The following C7orf78 variants were observed in gnomAD, a reference collection of about 807,000 sequenced individuals.
The protein encoded by C7orf78 is chromosome 7 open reading frame 78.
chr7:12,495,441 T>C, the C7orf78 span, among the ~76,000 whole-genome samples: 1 of 152,332 alleles, frequency 6.6e-6, no homozygotes, highest in East Asian at 1.9e-4. Context: ...ATGTAATTAA[T>C]ATGGCTTTAT....
the C7orf78 span, among the ~76,000 whole-genome samples, chr7:12,508,641 G>A: frequency 6.6e-6 from 1 of 152,160 alleles, no homozygotes; most frequent in East Asian, 1.9e-4. Flanking sequence ...TTAAGGGTAC[G>A]TTAACTAAAG....
At chr7:12,540,016 A>G in the C7orf78 span, among the ~76,000 whole-genome samples, 2 of 152,320 alleles carry the variant, frequency 1.3e-5, no homozygotes, top group South Asian at 4.1e-4. Flanking sequence ...AGAAAGGTCA[A>G]TTTCTATGTG....
the C7orf78 span, among the ~76,000 whole-genome samples, chr7:12,533,299 C>A: frequency 3.2e-4 from 49 of 152,116 alleles, no homozygotes; most frequent in African/African-American, 1.1e-3. Flanking sequence ...CTCCCAGGTT[C>A]AAATGATTCT....
At chr7:12,484,116 A>C in the C7orf78 span, 1 of 152,180 alleles carries the variant, frequency 6.6e-6, no homozygotes, top group East Asian at 1.9e-4. Flanking sequence ...ACGGATAACT[A>C]TAAAAATACT....
the C7orf78 span, among the ~76,000 whole-genome samples, chr7:12,525,535 T>A: frequency 6.6e-6 from 1 of 152,120 alleles, no homozygotes; most frequent in African/African-American, 2.4e-5. Context: ...ATAGACTCCC[T>A]TAATTCCACA....
the C7orf78 span, among the ~76,000 whole-genome samples, chr7:12,485,141 A>G: frequency 1.2e-5 from 1 of 85,092 alleles, no homozygotes; most frequent in Non-Finnish European, 2.3e-5. Context: ...ATTTCAGTAG[A>G]CATTATGCTA....
chr7:12,540,861 C>G, the C7orf78 span: 1 of 152,186 alleles, frequency 6.6e-6, no homozygotes, highest in African/African-American at 2.4e-5. Context: ...GTAAGTCTCA[C>G]CCTTTATAGA....
At chr7:12,517,308 A>G in the C7orf78 span, among the ~76,000 whole-genome samples, 2 of 152,056 alleles carry the variant, frequency 1.3e-5, no homozygotes, top group African/African-American at 2.4e-5. Context: ...TCCCACCATG[A>G]TTCTGAGGCC....
the C7orf78 span, among the ~76,000 whole-genome samples, chr7:12,494,931 CT>C: frequency 0.095 from 14,522 of 152,196 alleles, 855 homozygotes; most frequent in Non-Finnish European, 0.13. Context: ...CGATAGACAA[CT>C]TTTCCCAAAC....
At chr7:12,540,056 G>C in the C7orf78 span, among the ~76,000 whole-genome samples, 6 of 152,126 alleles carry the variant, frequency 3.9e-5, no homozygotes. Context: ...TGGGATTATT[G>C]GGTTGGTTTC....
At chr7:12,535,608 A>G in the C7orf78 span, among the ~76,000 whole-genome samples, 1 of 152,170 alleles carries the variant, frequency 6.6e-6, no homozygotes, top group Non-Finnish European at 1.5e-5. Flanking sequence ...AGTCACCCTA[A>G]GTTTTAACTC....
chr7:12,497,350 A>G, the C7orf78 span, among the ~76,000 whole-genome samples: 79 of 152,330 alleles, frequency 5.2e-4, no homozygotes, highest in African/African-American at 1.5e-3. Context: ...GACAGTGGGC[A>G]CAGGTCAGTG....
the C7orf78 span, chr7:12,507,020 A>G: frequency 5.4e-5 from 24 of 443,148 alleles, no homozygotes; most frequent in Admixed American, 2.9e-4. Flanking sequence ...AAGCTAGAAA[A>G]GGGCCGGGCG....
At chr7:12,494,238 AG>A in the C7orf78 span, among the ~76,000 whole-genome samples, 1 of 152,064 alleles carries the variant, frequency 6.6e-6, no homozygotes, top group Non-Finnish European at 1.5e-5. Context: ...CCTTTGGAAA[AG>A]CTGCTGATGG....
the C7orf78 span, among the ~76,000 whole-genome samples, chr7:12,538,805 T>G: frequency 2.6e-5 from 4 of 152,148 alleles, no homozygotes; most frequent in African/African-American, 4.8e-5. Context: ...TCCCTCACGT[T>G]GCGAGCCACC....
At chr7:12,522,419 A>T in the C7orf78 span, among the ~76,000 whole-genome samples, 1 of 152,240 alleles carries the variant, frequency 6.6e-6, no homozygotes, top group African/African-American at 2.4e-5. Context: ...TATAAGTTTC[A>T]ATAGCAGTAA....
the C7orf78 span, among the ~76,000 whole-genome samples, chr7:12,493,789 G>C: frequency 4.6e-5 from 7 of 152,192 alleles, no homozygotes; most frequent in Non-Finnish European, 1.0e-4. Context: ...TTGCTGGCAA[G>C]TATAAAATAC....
chr7:12,500,879 A>G, the C7orf78 span, among the ~76,000 whole-genome samples: 1 of 147,944 alleles, frequency 6.8e-6, no homozygotes, highest in Non-Finnish European at 1.5e-5. Flanking sequence ...AAGCTTATCC[A>G]CCATGATCAA....
the C7orf78 span, among the ~76,000 whole-genome samples, chr7:12,533,525 T>G: frequency 7.2e-6 from 1 of 139,204 alleles, no homozygotes; most frequent in Middle Eastern, 4.4e-3. Context: ...TTTTTTTTTT[T>G]TTTTTCTTTG....
Sources: allele counts gnomAD v4.1 joint callset (sites outside exome capture counted in the v4.1 genomes callset), GRCh38; gene constraint gnomAD v4.1.1; transcripts MANE v1.5; gene names NCBI Gene and HGNC (gene_info 2026-07-23, HGNC 2026-07-21).